Variants in MMS19 observed in about 807,000 individuals in gnomAD.
MMS19 encodes MMS19 cytosolic iron-sulfur assembly component.
In MMS19, 77 loss-of-function variants were observed where a neutral mutation model predicts 129.8. The observed-to-expected ratio is 0.59, with a 90% CI of 0.49 to 0.72. The LOEUF is 0.72. Among genes scored for constraint, MMS19 ranks in the 30% least tolerant of loss-of-function variants. MMS19 has a pLI of 0.00. For synonymous variants in MMS19, 491 were observed against 502.8 expected (o/e 0.98, Z 0.31); for missense variants, 1,168 against 1,266.3 (o/e 0.92, Z 1.18).
At position 97,465,797 on chromosome 10, in the gene MMS19, G is replaced by A. The variant is rs746358472; in HGVS notation, c.1756+8C>T. ...CCCAGTCCGTTGGTGGTTATTCCTA[G>A]TAGTTACCTCTGTTCACTTGCCAGA... On this transcript the variant is annotated splice_region_variant and intron_variant, in intron 18 of 30. Coordinates refer to ENST00000438925, the MANE Select transcript of MMS19 (RefSeq NM_022362.5). 6.8e-6 allele frequency: 11 copies of A among 1,610,182 alleles called. No homozygotes were observed. The highest frequency in any genetic ancestry group is 1.1e-5 in the South Asian group (1 of 90,884).
intron 1 of MMS19, among the ~76,000 whole-genome samples, chr10:97,494,357 CTGA>C (rs1415722801): frequency 1.3e-5 from 2 of 152,136 alleles, no homozygotes; most frequent in Admixed American, 6.5e-5. Context: ...AGATCTCTGT[CTGA>C]TGGAGTTGAA....
At chr10:97,480,374 CA>C (rs754031968) in intron 3 of MMS19, 8 of 436,796 alleles carry the variant, frequency 1.8e-5, no homozygotes, top group South Asian at 8.2e-5. Context: ...ACCAAAAAAA[CA>C]AAAAAAACAA....
intron 2 of MMS19, among the ~76,000 whole-genome samples, chr10:97,482,647 C>T (rs929554104): frequency 2.0e-5 from 3 of 151,656 alleles, no homozygotes; most frequent in Non-Finnish European, 2.9e-5. Context: ...TTACAAGCCA[C>T]AGAATTGTAC....
At chr10:97,489,545 A>G (rs1330356241) in intron 1 of MMS19, among the ~76,000 whole-genome samples, 1 of 152,238 alleles carries the variant, frequency 6.6e-6, no homozygotes, top group Non-Finnish European at 1.5e-5. Context: ...TGTCAAAACT[A>G]AGAGATTAGG....
intron 4 of MMS19, 74 bp from the exon 5 acceptor site, chr10:97,478,003 G>T: frequency 2.2e-6 from 2 of 915,532 alleles, no homozygotes; most frequent in Non-Finnish European, 3.3e-6. Flanking sequence ...CCTACGACAG[G>T]CCTAATTAGC....
At chr10:97,466,698 A>T in intron 15 of MMS19, 78 bp downstream of exon 15, 2 of 1,602,306 alleles carry the variant, frequency 1.2e-6, no homozygotes, top group South Asian at 2.2e-5. Context: ...AGAAGAGGAT[A>T]GTAAGGCTGC....
intron 26 of MMS19, 31 bp downstream of exon 26, chr10:97,460,013 GTA>G (rs1482762383): frequency 6.2e-7 from 1 of 1,605,152 alleles, no homozygotes; most frequent in East Asian, 2.2e-5. Flanking sequence ...GGAGAGATGT[GTA>G]TATGTGGGGA....
intron 5 of MMS19, among the ~76,000 whole-genome samples, 171 bp downstream of exon 5, chr10:97,477,684 C>T (rs2036003028): frequency 6.6e-6 from 1 of 152,164 alleles, no homozygotes; most frequent in African/African-American, 2.4e-5. Flanking sequence ...GCACCCCTTT[C>T]CTTGTCCAAT....
intron 4 of MMS19, 146 bp from the exon 5 acceptor site, chr10:97,478,075 A>G: frequency 1.5e-6 from 1 of 666,356 alleles, no homozygotes; most frequent in Non-Finnish European, 2.6e-6. Context: ...CTCTTTCTCA[A>G]GCTGATGAGT....
Position 97,470,792 on chromosome 10 carries a change from T to C in MMS19, c.754A>G (p.Thr252Ala), listed in dbSNP as rs377440701. ...ILSLRAVLAS[T>A]PRFAEFLLPL... ...AGACCCACCTCAGCAAATCGTGGTG[T>C]AGAAGCCAGCACAGCGCGAAGACTC... is the stretch of plus-strand genomic sequence containing the variant. Residue 252 changes from threonine to alanine, a missense_variant, in exon 9 of 31, where the codon ACA becomes GCA. Physicochemically the swap from Thr to Ala is moderately conservative, Grantham distance 58. Coordinates refer to ENST00000438925, the MANE Select transcript of MMS19 (RefSeq NM_022362.5). 7 of 1,613,238 alleles carry C rather than the reference T, an allele frequency of 4.3e-6. No homozygotes were observed. In the African/African-American group the frequency reaches 9.3e-5, roughly 22 times the overall value.
intron 1 of MMS19, among the ~76,000 whole-genome samples, chr10:97,484,818 G>T (rs111766855): frequency 1.3e-5 from 2 of 152,138 alleles, no homozygotes; most frequent in South Asian, 4.1e-4. Context: ...TCAGAAGGCT[G>T]AGGCAGGAGA....
At position 97,465,946 on chromosome 10, in the gene MMS19, T is replaced by C. The variant is rs762951248; in HGVS notation, c.1615A>G (p.Asn539Asp). 3 of 1,613,688 alleles carry C rather than the reference T, an allele frequency of 1.9e-6. No individual in the cohort carries two copies. Among genetic ancestry groups the C allele is most frequent in the Admixed American group, 1.7e-5 (1 of 59,972 alleles). ...LAEELRVGES[N>D]LTNGDEPTQC... is the part of the protein sequence containing the mutation. ...GTGGGCTCATCTCCGTTAGTCAAAT[T>C]TGACTCCCCTGAAAGCAACCCATGA... The change falls in exon 18 of 31, where the codon AAT becomes GAT. Residue 539 changes from asparagine to aspartate, a missense_variant. Transcript: ENST00000438925.
rs1389624805 is a variant in MMS19, at chr10:97,459,228, G to A, written c.2959C>T (p.Pro987Ser). Residue 987 changes from proline (P) to serine (S), a missense_variant, in exon 29 of 31, where the codon CCT (proline) becomes TCT (serine). Pro to Ser is a moderately conservative substitution (Grantham distance 74). Around this residue, in one of 3 missense-constraint regions of MMS19, gnomAD observed 831 missense variants for 910.8 expected, o/e 0.91. Transcript: ENST00000438925. ...AGGACACCTGAGGTACTTACCACAG[G>A]GGTGGGCAGGCGAGTGAGAGCATGC... The part of the protein sequence containing the change: ...CMHALTRLPT[P>S]VLLPYKPQVI... The A allele has an allele frequency of 6.2e-7, 1 of 1,611,716 alleles. No individual in the cohort carries two copies. Among genetic ancestry groups the A allele is most frequent in the Non-Finnish European group, 8.5e-7 (1 of 1,179,118 alleles).
In MMS19 at chr10:97,466,147, T is replaced by C. The variant is rs2033434471; in HGVS notation, c.1518A>G (p.Ala506=). Residue 506 remains alanine (A), a synonymous_variant, in exon 17 of 31, where the codon GCA becomes GCG. Coordinates refer to ENST00000438925, the MANE Select transcript of MMS19 (RefSeq NM_022362.5). ...CAGCCAGGGTTCCTGATGCTTCCAG[T>C]GCTGCCACCCTGCTGGAGGCGCAGA... ...KEDSQSCRVA[A]LEASGTLAAL... 6.4e-7 allele frequency: 1 copy of C among 1,571,956 alleles called. No homozygotes were observed. The highest frequency in any genetic ancestry group is 1.2e-5 in the South Asian group (1 of 86,926).
chr10:97,470,019 C>T, intron 10 of MMS19, 110 bp downstream of exon 10: 2 of 798,288 alleles, frequency 2.5e-6, no homozygotes. Flanking sequence ...TCCTGGGTAT[C>T]CTCTTCTGAG....
intron 5 of MMS19, 35 bp from the exon 6 acceptor site, chr10:97,477,451 C>T (rs60010839): frequency 1.2e-6 from 2 of 1,613,802 alleles, no homozygotes; most frequent in South Asian, 2.2e-5. Flanking sequence ...GAAGAAAATG[C>T]TCAAAGAATA....
intron 18 of MMS19, among the ~76,000 whole-genome samples, chr10:97,464,974 G>A (rs1425148868): frequency 1.3e-5 from 2 of 152,028 alleles, no homozygotes; most frequent in African/African-American, 2.4e-5. Context: ...AAAGTGCTGG[G>A]ATTACAGGCA....
chr10:97,477,002 G>A, intron 6 of MMS19, 39 bp from the exon 7 acceptor site: 1 of 1,611,646 alleles, frequency 6.2e-7, no homozygotes, highest in South Asian at 1.1e-5. Flanking sequence ...CTGTCCCACA[G>A]CACAGAAAGT....
At chr10:97,468,903 C>A in intron 12 of MMS19, 63 bp downstream of exon 12, 5 of 1,526,756 alleles carry the variant, frequency 3.3e-6, no homozygotes, top group Non-Finnish European at 4.4e-6. Context: ...GCCACCGCAC[C>A]CAGGCAAGGA....
Sources: gnomAD v4.1 joint callset for allele counts (sites outside exome capture counted in the v4.1 genomes callset) on GRCh38, gnomAD v4.1.1 for gene constraint, gnomAD v4.1.1 regional missense constraint, MANE v1.5 for transcripts, NCBI Gene and HGNC (gene_info 2026-07-23, HGNC 2026-07-21) for gene names.